LIMCH1: variants seen among roughly 807,000 people sequenced by gnomAD.
LIMCH1 encodes LIM and calponin homology domains-containing protein 1.
In LIMCH1, 113 loss-of-function variants were observed where a neutral mutation model predicts 176.5. The observed-to-expected ratio is 0.64, with a 90% CI of 0.55 to 0.75. The LOEUF (loss-of-function observed/expected upper bound fraction) is 0.75, where lower values mean the gene tolerates loss of function less well. LIMCH1 is among the 30% of genes least tolerant of loss of function. LIMCH1 has a pLI of 0.00. For synonymous variants in LIMCH1, 619 were observed against 645.9 expected (o/e 0.96, Z 0.63); for missense variants, 1,674 against 1,814.9 (o/e 0.92, Z 1.41).
chr4:41,434,598 C>T (rs993809986), intron 1 of LIMCH1, among the ~76,000 whole-genome samples: 2 of 152,184 alleles, frequency 1.3e-5, no homozygotes, highest in African/African-American at 4.8e-5. Context: ...CTCACTGCCA[C>T]CTCCACCTCC....
At chr4:41,460,593 T>A (rs1202313281) in intron 1 of LIMCH1, among the ~76,000 whole-genome samples, 1 of 151,764 alleles carries the variant, frequency 6.6e-6, no homozygotes, top group Non-Finnish European at 1.5e-5. Context: ...TTCTCAGTGC[T>A]TTTCAGTATT....
chr4:41,612,856 T>TC, intron 4 of LIMCH1: 1 of 1,338,828 alleles, frequency 7.5e-7, no homozygotes, highest in Non-Finnish European at 9.8e-7. Flanking sequence ...CCTTTCTTTT[T>TC]TTTTTTTTTT....
At chr4:41,637,342 C>T (rs983382014) in intron 13 of LIMCH1, among the ~76,000 whole-genome samples, 1 of 152,198 alleles carries the variant, frequency 6.6e-6, no homozygotes, top group Non-Finnish European at 1.5e-5. Context: ...GTGTGCACCA[C>T]CATGCCCAGC....
At chr4:41,557,236 A>T (rs545744825) in intron 1 of LIMCH1, among the ~76,000 whole-genome samples, 3 of 152,186 alleles carry the variant, frequency 2.0e-5, no homozygotes, top group African/African-American at 7.2e-5. Flanking sequence ...GCCTCCATTT[A>T]TAAGGACTAG....
rs537152272 is a variant in LIMCH1, at chr4:41,688,391, G to T, written c.4166+474G>T. On this transcript the variant is annotated intron_variant, in intron 29 of 31. Coordinates refer to ENST00000503057, the MANE Select transcript of LIMCH1 (RefSeq NM_001330672.2). ...GCTGGGCCCCATGATATTTTTAAAA[G>T]CCGCCTGAATTCCCGTTCCCTGGAG... Among the ~76,000 whole-genome samples the T allele has an allele frequency of 3.9e-5, 6 of 152,308 alleles. No individual in the cohort carries two copies. In the South Asian group the frequency reaches 1.2e-3, roughly 32 times the overall value.
At chr4:41,486,721 T>C (rs2069609772) in intron 1 of LIMCH1, among the ~76,000 whole-genome samples, 1 of 152,034 alleles carries the variant, frequency 6.6e-6, no homozygotes, top group African/African-American at 2.4e-5. Context: ...CCAGTTATGA[T>C]TTAGTAGTTC....
intron 1 of LIMCH1, among the ~76,000 whole-genome samples, chr4:41,405,268 C>A (rs1468913897): frequency 2.0e-5 from 3 of 152,122 alleles, no homozygotes; most frequent in Admixed American, 6.5e-5. Context: ...TAATCAGCAT[C>A]TTGAAATTTT....
intron 1 of LIMCH1, among the ~76,000 whole-genome samples, chr4:41,560,126 T>G (rs960608894): frequency 2.0e-5 from 3 of 152,162 alleles, no homozygotes; most frequent in Non-Finnish European, 4.4e-5. Context: ...CCTTAACACC[T>G]TATGTCCTTT....
intron 12 of LIMCH1, 93 bp from the exon 13 acceptor site, chr4:41,633,455 C>T (rs1169121896): frequency 6.9e-7 from 1 of 1,444,586 alleles, no homozygotes; most frequent in East Asian, 2.5e-5. Flanking sequence ...ATGCTGGCTT[C>T]TTCTGTCTTG....
chr4:41,465,274 G>A (rs1014104031), intron 1 of LIMCH1, among the ~76,000 whole-genome samples: 3 of 152,086 alleles, frequency 2.0e-5, no homozygotes, highest in Admixed American at 1.3e-4. Context: ...TGTGGGGGCT[G>A]GTTCCCACCT....
intron 1 of LIMCH1, among the ~76,000 whole-genome samples, chr4:41,413,646 G>A (rs2059682495): frequency 6.6e-6 from 1 of 152,010 alleles, no homozygotes; most frequent in East Asian, 1.9e-4. Context: ...TAACTTTTAA[G>A]AAAATAGCAA....
chr4:41,691,749 C>T (rs371837571), intron 30 of LIMCH1, among the ~76,000 whole-genome samples: 5 of 152,086 alleles, frequency 3.3e-5, no homozygotes, highest in South Asian at 4.2e-4. Context: ...GCCTACAGAG[C>T]GAGACACTGT....
chr4:41,606,789 T>C lies in LIMCH1; in HGVS notation c.9+785T>C, dbSNP rs572290657. Among the ~76,000 whole-genome samples the C allele has an allele frequency of 1.4e-3, 211 of 152,248 alleles. 1 individual carries two copies. The highest frequency in any genetic ancestry group is 5.0e-3 in the African/African-American group (206 of 41,552). On this transcript the variant is annotated intron_variant, in intron 4 of 31. Transcript: ENST00000503057. Reference sequence around the variant, plus strand: ...AAGGCTTATTTATAATGGACCTCCATGTACTTTTTTAATTATTTTATTTTT... The same window carrying C: ...AAGGCTTATTTATAATGGACCTCCACGTACTTTTTTAATTATTTTATTTTT...
In LIMCH1 at chr4:41,640,609, G is replaced by A. The variant is rs145002334; in HGVS notation, c.2126+1642G>A. ...GGATATCCAAAGTGCTGAGTTTCCT[G>A]CTTAGAGCAGATACAATTTACATGA... is the stretch of plus-strand genomic sequence containing the variant. On this transcript the variant is annotated intron_variant, in intron 14 of 31. Transcript: ENST00000503057. Among the ~76,000 whole-genome samples, 151 of 152,272 alleles carry A rather than the reference G, an allele frequency of 9.9e-4. 1 individual carries two copies. The highest frequency in any genetic ancestry group is 3.6e-3 in the African/African-American group (149 of 41,560).
At chr4:41,630,764 A>G (rs2093275382) in intron 9 of LIMCH1, among the ~76,000 whole-genome samples, 1 of 152,204 alleles carries the variant, frequency 6.6e-6, no homozygotes, top group African/African-American at 2.4e-5. Flanking sequence ...AGTTCCTTAT[A>G]TGAAATGGTA....
intron 1 of LIMCH1, among the ~76,000 whole-genome samples, chr4:41,400,269 T>C (rs1352503247): frequency 1.3e-5 from 2 of 152,124 alleles, no homozygotes; most frequent in African/African-American, 4.8e-5. Context: ...GAGAAAAAAA[T>C]GGAAGTCCAG....
intron 30 of LIMCH1, chr4:41,689,872 C>A: frequency 2.7e-6 from 1 of 372,710 alleles, no homozygotes; most frequent in Non-Finnish European, 5.0e-6. Context: ...GTTTTTGTTG[C>A]TAAAGAACAT....
At chr4:41,556,222 CTG>C (rs1302094322) in intron 1 of LIMCH1, among the ~76,000 whole-genome samples, 1 of 151,878 alleles carries the variant, frequency 6.6e-6, no homozygotes, top group Non-Finnish European at 1.5e-5. Context: ...TGGCAAAACC[CTG>C]TCTCTACTAA....
In LIMCH1 at chr4:41,631,233, C is replaced by A; in HGVS notation, c.1357C>A (p.Arg453Ser). 6.5e-7 allele frequency: 1 copy of A among 1,536,074 alleles called. No homozygotes were observed. The highest frequency in any genetic ancestry group is 8.7e-7 in the Non-Finnish European group (1 of 1,146,908). ...ETAIRDDFAN[R>S]KARASKKASS... ...TGCCATTCGTGATGACTTTGCCAAC[C>A]GCAAAGCAAGGGCCTCTAAGAAAGC... The change falls in exon 10 of 32, where the codon CGC becomes AGC. Residue 453 changes from arginine (R) to serine (S), a missense_variant. By Grantham distance (110) the Arg-to-Ser change is moderately radical. Around this residue, in one of 3 missense-constraint regions of LIMCH1, gnomAD observed 655 missense variants for 692.2 expected, o/e 0.95. Transcript: ENST00000503057.
Sources: gnomAD v4.1 joint callset for allele counts (sites outside exome capture counted in the v4.1 genomes callset) on GRCh38, gnomAD v4.1.1 for gene constraint, gnomAD v4.1.1 regional missense constraint, MANE v1.5 for transcripts, NCBI Gene and HGNC (gene_info 2026-07-23, HGNC 2026-07-21) for gene names.